The following KLHL29 variants were observed in gnomAD, a reference collection of about 807,000 sequenced individuals.
The protein encoded by KLHL29 is kelch-like protein 29.
KLHL29 carries 21 observed loss-of-function variants against 80.4 expected under a neutral mutation model. The observed-to-expected ratio is 0.26, with a 90% CI of 0.19 to 0.38. The LOEUF (loss-of-function observed/expected upper bound fraction) is 0.38. Ranked by LOEUF, KLHL29 falls within the 10% of genes least tolerant of loss-of-function variation. KLHL29 has a pLI of 1.00. For missense variants in KLHL29, 867 were observed against 1,223.9 expected (o/e 0.71, Z 4.35); for synonymous variants, 511 against 526.8 (o/e 0.97, Z 0.41).
At chr2:23,622,747 A>G (rs1029598652) in intron 3 of KLHL29, among the ~76,000 whole-genome samples, 2 of 152,244 alleles carry the variant, frequency 1.3e-5, no homozygotes, top group South Asian at 2.1e-4. Context: ...AGCCATCTGC[A>G]TGGGTAATAA....
chr2:23,418,805 A>G (rs1662684023), intron 1 of KLHL29, among the ~76,000 whole-genome samples: 1 of 151,906 alleles, frequency 6.6e-6, no homozygotes, highest in East Asian at 1.9e-4. Flanking sequence ...TACTGTGAGG[A>G]TTAAAAAAGA....
At chr2:23,515,665 C>T (rs1572370038) in intron 2 of KLHL29, among the ~76,000 whole-genome samples, 1 of 152,358 alleles carries the variant, frequency 6.6e-6, no homozygotes, top group East Asian at 1.9e-4. Flanking sequence ...CAGAAGGTCT[C>T]CTGTGAACGA....
intron 1 of KLHL29, among the ~76,000 whole-genome samples, chr2:23,404,927 G>C (rs914194221): frequency 1.3e-5 from 2 of 152,136 alleles, no homozygotes; most frequent in African/African-American, 4.8e-5. Flanking sequence ...ACCTTCTCTA[G>C]GTCCAAGTTC....
At chr2:23,558,348 C>T (rs4665612) in intron 2 of KLHL29, among the ~76,000 whole-genome samples, 23,254 of 151,902 alleles carry the variant, frequency 0.15, 2,631 homozygotes, top group African/African-American at 0.3. Context: ...CAGATATTCT[C>T]CATTCAGGCC....
At chr2:23,420,942 CCTTT>C (rs1662781058) in intron 1 of KLHL29, among the ~76,000 whole-genome samples, 1 of 152,170 alleles carries the variant, frequency 6.6e-6, no homozygotes, top group South Asian at 2.1e-4. Context: ...TCCTCCTCCT[CCTTT>C]ATCAGTCAAC....
intron 11 of KLHL29, among the ~76,000 whole-genome samples, chr2:23,702,808 C>G (rs974611950): frequency 1.3e-5 from 2 of 150,982 alleles, no homozygotes; most frequent in African/African-American, 4.9e-5. Flanking sequence ...GCACGTTTCT[C>G]CAGTTTCCAG....
chr2:23,693,450 C>T lies in KLHL29; in HGVS notation c.1464C>T (p.Ser488=), dbSNP rs1671750035. 2 of 1,551,746 alleles carry T rather than the reference C, an allele frequency of 1.3e-6. No homozygotes were observed. Among genetic ancestry groups the T allele is most frequent in the East Asian group, 4.9e-5 (2 of 40,918 alleles). The change falls in exon 8 of 14, where the codon AGC becomes AGT. Residue 488 remains serine (S), a synonymous_variant. Coordinates refer to ENST00000486442, the MANE Select transcript of KLHL29 (RefSeq NM_052920.2). ...TCATCGCCTACGTCTCCAACGACAG[C>T]CTCAACACCAAGGCTGAGGAGCTGG... ...DDFIAYVSND[S]LNTKAEELVY...
intron 1 of KLHL29, among the ~76,000 whole-genome samples, chr2:23,474,292 A>G (rs1664572404): frequency 1.3e-5 from 2 of 152,230 alleles, no homozygotes; most frequent in African/African-American, 4.8e-5. Context: ...GAGATTCTCA[A>G]GCACCTAAAA....
intron 3 of KLHL29, among the ~76,000 whole-genome samples, chr2:23,586,362 CTTTTTTT>C (rs778067234): frequency 2.1e-5 from 2 of 96,992 alleles, no homozygotes; most frequent in Non-Finnish European, 3.8e-5. Context: ...AAAAGCATTA[CTTTTTTT>C]TTTTTTTTTT....
intron 1 of KLHL29, among the ~76,000 whole-genome samples, chr2:23,392,437 G>C (rs1312226129): frequency 6.6e-6 from 1 of 152,148 alleles, no homozygotes; most frequent in Non-Finnish European, 1.5e-5. Flanking sequence ...TTTTAGAGTT[G>C]ATGTGGATTT....
chr2:23,537,226 T>C (rs1292948315), intron 2 of KLHL29, among the ~76,000 whole-genome samples: 9 of 152,188 alleles, frequency 5.9e-5, no homozygotes, highest in Non-Finnish European at 8.8e-5. Context: ...CCACCCTTCA[T>C]GGGCAGTGCT....
At chr2:23,404,071 C>T (rs1266975757) in intron 1 of KLHL29, among the ~76,000 whole-genome samples, 1 of 152,188 alleles carries the variant, frequency 6.6e-6, no homozygotes, top group Non-Finnish European at 1.5e-5. Flanking sequence ...TAATAGAAGG[C>T]TTTACCTCTG....
intron 1 of KLHL29, among the ~76,000 whole-genome samples, chr2:23,413,708 T>C (rs1263277895): frequency 1.3e-5 from 2 of 152,210 alleles, no homozygotes; most frequent in African/African-American, 4.8e-5. Context: ...GGAATGTTTG[T>C]TCATTTTCCC....
chr2:23,624,506 A>C (rs190437625), intron 3 of KLHL29, among the ~76,000 whole-genome samples: 78 of 152,304 alleles, frequency 5.1e-4, no homozygotes, highest in African/African-American at 1.7e-3. Context: ...ATCTGTATCT[A>C]TGAGCCTGGT....
intron 2 of KLHL29, among the ~76,000 whole-genome samples, chr2:23,543,254 G>A (rs1230471136): frequency 6.6e-6 from 1 of 152,100 alleles, no homozygotes; most frequent in Non-Finnish European, 1.5e-5. Context: ...CTCATTACAC[G>A]GCTCCAGCTA....
chr2:23,421,929 G>A (rs1198611072), intron 1 of KLHL29, among the ~76,000 whole-genome samples: 1 of 151,722 alleles, frequency 6.6e-6, no homozygotes, highest in East Asian at 1.9e-4. Flanking sequence ...CTCTGTGTCT[G>A]AGTCAGTGTG....
intron 2 of KLHL29, among the ~76,000 whole-genome samples, chr2:23,497,709 G>T (rs527705298): frequency 6.6e-6 from 1 of 152,230 alleles, no homozygotes; most frequent in South Asian, 2.1e-4. Context: ...CTTTGGAGGA[G>T]AGGGGAATAT....
intron 3 of KLHL29, among the ~76,000 whole-genome samples, chr2:23,630,278 G>A (rs1341394820): frequency 6.6e-6 from 1 of 152,170 alleles, no homozygotes. Flanking sequence ...GGCACCTAGG[G>A]AGGGCTTTAG....
chr2:23,594,862 T>C (rs1668357506), intron 3 of KLHL29, among the ~76,000 whole-genome samples: 1 of 152,214 alleles, frequency 6.6e-6, no homozygotes, highest in South Asian at 2.1e-4. Flanking sequence ...TTGCTTAAGG[T>C]CAGGACATTT....
Sources: allele counts gnomAD v4.1 joint callset (sites outside exome capture counted in the v4.1 genomes callset), GRCh38; gene constraint gnomAD v4.1.1; transcripts MANE v1.5; gene names NCBI Gene and HGNC (gene_info 2026-07-23, HGNC 2026-07-21).